ATP6V1D: variants seen among roughly 807,000 people sequenced by gnomAD.
ATP6V1D encodes the protein V-type proton ATPase subunit D.
ATP6V1D carries 20 observed loss-of-function variants against 39.4 expected under a neutral mutation model. The observed-to-expected ratio is 0.51, with a 90% CI of 0.36 to 0.74. The LOEUF (loss-of-function observed/expected upper bound fraction) is 0.74. Ranked by LOEUF, ATP6V1D falls within the 30% of genes least tolerant of loss-of-function variation. The probability of loss-of-function intolerance (pLI) is 0.00; values close to 1 mark genes in which losing one functional copy is unlikely to be tolerated. For synonymous variants in ATP6V1D, 100 were observed against 100.5 expected (o/e 0.99, Z 0.03); for missense variants, 228 against 291.6 (o/e 0.78, Z 1.59).
intron 2 of ATP6V1D, 99 bp downstream of exon 2, chr14:67,352,823 GA>G: frequency 7.9e-6 from 6 of 758,920 alleles, no homozygotes; most frequent in Non-Finnish European, 1.0e-5. Flanking sequence ...ACTTTTGAAA[GA>G]AAAAAATTAA....
intron 8 of ATP6V1D, among the ~76,000 whole-genome samples, chr14:67,339,047 G>A (rs2085559980): frequency 7.0e-6 from 1 of 143,716 alleles, no homozygotes; most frequent in African/African-American, 2.6e-5. Context: ...AGGGTGGAGT[G>A]CAGTGGCGCA....
intron 6 of ATP6V1D, among the ~76,000 whole-genome samples, chr14:67,344,601 G>A (rs1013751593): frequency 2.0e-5 from 3 of 152,146 alleles, no homozygotes; most frequent in Non-Finnish European, 4.4e-5. Context: ...AAACTGGGCT[G>A]GGTGAGGTGG....
At chr14:67,352,860 A>T in intron 2 of ATP6V1D, 63 bp downstream of exon 2, 1 of 1,093,642 alleles carries the variant, frequency 9.1e-7, no homozygotes, top group Non-Finnish European at 1.3e-6. Flanking sequence ...CAAAAAAAAA[A>T]ATGCCAAGGG....
intron 7 of ATP6V1D, 73 bp downstream of exon 7, chr14:67,343,299 G>T: frequency 2.5e-6 from 3 of 1,201,772 alleles, no homozygotes; most frequent in Non-Finnish European, 3.6e-6. Flanking sequence ...TACAGTCCCT[G>T]AATTCTAGCA....
chr14:67,345,504 G>A (rs1379599346), intron 6 of ATP6V1D, among the ~76,000 whole-genome samples: 2 of 151,866 alleles, frequency 1.3e-5, no homozygotes, highest in East Asian at 1.9e-4. Context: ...GCAGTGAGCC[G>A]AGGTCGCGCC....
At chr14:67,358,879 G>A (rs181355381) in intron 1 of ATP6V1D, among the ~76,000 whole-genome samples, 1 of 152,326 alleles carries the variant, frequency 6.6e-6, no homozygotes, top group Admixed American at 6.5e-5. Context: ...ACAACTGAGC[G>A]TATTCCCAAG....
rs572517703 is a variant in ATP6V1D at position 67,345,695 on chromosome 14, C to T, written c.456+73G>A. Reference sequence around the variant, plus strand: ...GTACAAAGCACAGTATATGCTGACTCAAGACCTGACTCTCCTCCACTTGAC... The same window carrying T: ...GTACAAAGCACAGTATATGCTGACTTAAGACCTGACTCTCCTCCACTTGAC... On this transcript the variant is annotated intron_variant, in intron 6 of 8. Transcript: ENST00000216442. 4.0e-5 allele frequency: 40 copies of T among 993,846 alleles called. No homozygotes were observed. The East Asian group carries it at 8.2e-4, about 20-fold the overall frequency. 61.6% of individuals were successfully genotyped at this position (993,846 alleles called of 1,614,324 possible). A position where few individuals can be genotyped will look rare whatever the true frequency, so the allele number is the denominator to read the frequency against.
intron 1 of ATP6V1D, among the ~76,000 whole-genome samples, chr14:67,353,318 C>T (rs1004533136): frequency 2.2e-4 from 34 of 152,138 alleles, no homozygotes; most frequent in African/African-American, 6.0e-4. Flanking sequence ...AATGGATTAA[C>T]GTCATTATGG....
intron 6 of ATP6V1D, among the ~76,000 whole-genome samples, chr14:67,344,334 T>C (rs1430855610): frequency 1.3e-5 from 2 of 152,168 alleles, no homozygotes; most frequent in African/African-American, 2.4e-5. Flanking sequence ...ATCCTCACAT[T>C]TGGCTTTCAA....
chr14:67,354,938 C>T (rs1454576389), intron 1 of ATP6V1D, among the ~76,000 whole-genome samples: 2 of 152,076 alleles, frequency 1.3e-5, no homozygotes, highest in Non-Finnish European at 2.9e-5. Flanking sequence ...CTCAGCATCC[C>T]GAGTAGCTGG....
At position 67,350,662 on chromosome 14, in the gene ATP6V1D, C is replaced by G; in HGVS notation, c.188G>C (p.Arg63Thr). ...ETKMLMGEVM[R>T]EAAFSLAEAK... ...TTCAGCTAGTGAAAAGGCAGCTTCT[C>G]TCATCACTTCGCCCATCAACATTTT... The change falls in exon 3 of 9, where the codon AGA (arginine) becomes ACA (threonine). Residue 63 changes from arginine to threonine, a missense_variant. Arg to Thr is a moderately conservative substitution (Grantham distance 71). This residue lies in a region of ATP6V1D where 104 missense variants were observed against 120.2 expected (regional missense o/e 0.87). Coordinates refer to ENST00000216442, the MANE Select transcript of ATP6V1D (RefSeq NM_015994.4). 6.2e-7 allele frequency: 1 copy of G among 1,613,598 alleles called. No homozygotes were observed.
intron 6 of ATP6V1D, among the ~76,000 whole-genome samples, chr14:67,345,325 G>A (rs1309749762): frequency 6.6e-6 from 1 of 152,128 alleles, no homozygotes; most frequent in East Asian, 1.9e-4. Flanking sequence ...GGGAGGCCGA[G>A]GCGGGTGGAT....
chr14:67,345,951 GAAT>G (rs1313368462), intron 5 of ATP6V1D, 80 bp from the exon 6 acceptor site: 12 of 860,412 alleles, frequency 1.4e-5, no homozygotes, highest in Non-Finnish European at 2.1e-5. Flanking sequence ...AGATAATTCA[GAAT>G]AATAACAAAT....
intron 7 of ATP6V1D, among the ~76,000 whole-genome samples, chr14:67,341,510 G>GT (rs1366000501): frequency 6.6e-6 from 1 of 151,660 alleles, no homozygotes; most frequent in Non-Finnish European, 1.5e-5. Flanking sequence ...CGGGAGGGAG[G>GT]TGGGGGGGGT....
chr14:67,354,706 A>T (rs992091304), intron 1 of ATP6V1D, among the ~76,000 whole-genome samples: 4 of 152,254 alleles, frequency 2.6e-5, no homozygotes, highest in African/African-American at 9.6e-5. Context: ...TGCAGAGAAT[A>T]GTTCTAGAAA....
intron 1 of ATP6V1D, among the ~76,000 whole-genome samples, chr14:67,356,471 G>A (rs935095652): frequency 6.6e-6 from 1 of 151,306 alleles, no homozygotes; most frequent in Non-Finnish European, 1.5e-5. Flanking sequence ...ACACCATTTG[G>A]CCAAATTCTT....
At chr14:67,351,505 CTTT>C (rs762166258) in intron 2 of ATP6V1D, among the ~76,000 whole-genome samples, 9 of 152,076 alleles carry the variant, frequency 5.9e-5, no homozygotes, top group Non-Finnish European at 1.2e-4. Context: ...ACATTTTTAA[CTTT>C]TTATTATTTT....
At chr14:67,359,047 G>A (rs1388377463) in intron 1 of ATP6V1D, among the ~76,000 whole-genome samples, 1 of 152,212 alleles carries the variant, frequency 6.6e-6, no homozygotes, top group Non-Finnish European at 1.5e-5. Context: ...TCTGAACAAG[G>A]TGCAGCGGTG....
intron 8 of ATP6V1D, among the ~76,000 whole-genome samples, chr14:67,339,448 T>C (rs1036795357): frequency 1.3e-5 from 2 of 152,278 alleles, no homozygotes; most frequent in South Asian, 4.1e-4. Context: ...TTATAGACCA[T>C]AGTTAGATGC....
Sources: gnomAD v4.1 joint callset for allele counts (sites outside exome capture counted in the v4.1 genomes callset) on GRCh38, gnomAD v4.1.1 for gene constraint, gnomAD v4.1.1 regional missense constraint, MANE v1.5 for transcripts, NCBI Gene and HGNC (gene_info 2026-07-23, HGNC 2026-07-21) for gene names.